Variants in PTPRR observed in about 807,000 individuals in gnomAD.
PTPRR encodes the protein protein tyrosine phosphatase receptor type R.
A neutral mutation model predicts 77.2 loss-of-function variants in PTPRR; 38 were observed. The observed-to-expected ratio is 0.49, with a 90% CI of 0.38 to 0.65. PTPRR has a LOEUF of 0.65. PTPRR is among the 30% of genes least tolerant of loss of function. PTPRR has a pLI of 0.00. For missense variants in PTPRR, 744 were observed against 799.2 expected, an observed-to-expected ratio of 0.93 and a Z score of 0.83; for synonymous variants, 299 against 283.1, an observed-to-expected ratio of 1.06 and a Z score of -0.57.
At chr12:70,652,129 A>G (rs145244674) in intron 13 of PTPRR, among the ~76,000 whole-genome samples, 1,868 of 152,328 alleles carry the variant, frequency 0.012, 17 homozygotes, top group Middle Eastern at 0.061. Flanking sequence ...CAAGTGATGA[A>G]GAAAGATATG....
chr12:70,808,065 G>A (rs1891742653), intron 2 of PTPRR, among the ~76,000 whole-genome samples: 1 of 152,094 alleles, frequency 6.6e-6, no homozygotes, highest in South Asian at 2.1e-4. Flanking sequence ...GCAGCCCTGG[G>A]AAAAGAATGC....
intron 6 of PTPRR, among the ~76,000 whole-genome samples, chr12:70,722,226 G>A (rs1245486910): frequency 6.6e-6 from 1 of 152,032 alleles, no homozygotes; most frequent in Admixed American, 6.6e-5. Context: ...TCCTGTGTAA[G>A]AGCACAAGAC....
intron 2 of PTPRR, among the ~76,000 whole-genome samples, chr12:70,867,353 A>C (rs1444708790): frequency 1.3e-5 from 2 of 151,488 alleles, no homozygotes; most frequent in Non-Finnish European, 3.0e-5. Context: ...CTCAGGATAC[A>C]AAATCAATGT....
intron 1 of PTPRR, 55 bp from the exon 2 acceptor site, chr12:70,893,032 T>C: frequency 6.5e-7 from 1 of 1,538,650 alleles, no homozygotes; most frequent in Non-Finnish European, 8.9e-7. Flanking sequence ...GTAAGAGAGG[T>C]AGATATATCT....
intron 2 of PTPRR, among the ~76,000 whole-genome samples, chr12:70,839,623 T>G (rs1892361938): frequency 6.6e-6 from 1 of 152,220 alleles, no homozygotes; most frequent in South Asian, 2.1e-4. Flanking sequence ...TTTGTTTTAA[T>G]GGTGTAAGAA....
chr12:70,790,384 C>A (rs1425624026), intron 2 of PTPRR, among the ~76,000 whole-genome samples: 1 of 152,068 alleles, frequency 6.6e-6, no homozygotes, highest in Admixed American at 6.6e-5. Flanking sequence ...GCCCTGATAC[C>A]CTTTCCTGCC....
chr12:70,772,565 T>C (rs1891002378), intron 2 of PTPRR, among the ~76,000 whole-genome samples: 1 of 152,168 alleles, frequency 6.6e-6, no homozygotes, highest in Non-Finnish European at 1.5e-5. Context: ...AAAAGAGGTA[T>C]AGGGTTCCCA....
intron 6 of PTPRR, among the ~76,000 whole-genome samples, chr12:70,744,551 A>G (rs187489236): frequency 6.6e-6 from 1 of 152,356 alleles, no homozygotes; most frequent in Admixed American, 6.5e-5. Flanking sequence ...CCTTGGCAAT[A>G]CTTTCAAATA....
intron 6 of PTPRR, among the ~76,000 whole-genome samples, chr12:70,715,296 G>A (rs1022006424): frequency 2.6e-5 from 4 of 152,162 alleles, no homozygotes; most frequent in African/African-American, 9.7e-5. Flanking sequence ...CAGACATCAA[G>A]TACTTCACAA....
chr12:70,642,807 T>C (rs568421223), intron 13 of PTPRR, among the ~76,000 whole-genome samples: 2 of 152,288 alleles, frequency 1.3e-5, no homozygotes, highest in African/African-American at 4.8e-5. Context: ...CTCATCATAA[T>C]CATCTCTGAA....
intron 12 of PTPRR, among the ~76,000 whole-genome samples, chr12:70,658,367 T>C (rs935811518): frequency 6.6e-6 from 1 of 152,218 alleles, no homozygotes; most frequent in East Asian, 1.9e-4. Flanking sequence ...CACCTATTTC[T>C]CACATTTGGC....
At chr12:70,676,122 C>A (rs1592661916) in intron 10 of PTPRR, among the ~76,000 whole-genome samples, 1 of 151,842 alleles carries the variant, frequency 6.6e-6, no homozygotes, top group East Asian at 1.9e-4. Flanking sequence ...TTCTAAAACA[C>A]CTGTTATGGT....
chr12:70,807,486 C>A (rs1175981497), intron 2 of PTPRR, among the ~76,000 whole-genome samples: 3 of 152,120 alleles, frequency 2.0e-5, no homozygotes, highest in Admixed American at 6.6e-5. Context: ...TCTCCCCCCA[C>A]CCCACCAGAT....
At chr12:70,678,574 T>C (rs1419925100) in intron 10 of PTPRR, among the ~76,000 whole-genome samples, 1 of 152,200 alleles carries the variant, frequency 6.6e-6, no homozygotes, top group East Asian at 1.9e-4. Flanking sequence ...TCTTTTCTTT[T>C]TATTGATGTT....
chr12:70,889,146 G>A (rs1018505209), intron 2 of PTPRR, among the ~76,000 whole-genome samples: 8 of 152,246 alleles, frequency 5.3e-5, no homozygotes, highest in African/African-American at 1.9e-4. Flanking sequence ...CATCTTCTAT[G>A]ACATGGCTGA....
intron 2 of PTPRR, 31 bp downstream of exon 2, chr12:70,892,648 A>G: frequency 5.6e-6 from 9 of 1,603,438 alleles, no homozygotes; most frequent in Non-Finnish European, 7.7e-6. Flanking sequence ...AATCAACATC[A>G]GCCTCAGCAT....
intron 1 of PTPRR, among the ~76,000 whole-genome samples, chr12:70,913,180 TC>T (rs1320030450): frequency 2.6e-5 from 4 of 152,156 alleles, no homozygotes; most frequent in South Asian, 2.1e-4. Flanking sequence ...TCTCCATTCT[TC>T]AGGTGTAAGA....
chr12:70,853,031 C>A (rs1236914624), intron 2 of PTPRR, among the ~76,000 whole-genome samples: 1 of 152,164 alleles, frequency 6.6e-6, no homozygotes, highest in Non-Finnish European at 1.5e-5. Context: ...GGGCCAGGGG[C>A]CGCCACACTT....
intron 6 of PTPRR, among the ~76,000 whole-genome samples, chr12:70,739,909 G>A (rs1889991187): frequency 6.6e-6 from 1 of 152,114 alleles, no homozygotes; most frequent in East Asian, 1.9e-4. Context: ...GAAACAGAGA[G>A]CATGGAATAG....
Sources: allele counts gnomAD v4.1 joint callset (sites outside exome capture counted in the v4.1 genomes callset), GRCh38; gene constraint gnomAD v4.1.1; transcripts MANE v1.5; gene names NCBI Gene and HGNC (gene_info 2026-07-23, HGNC 2026-07-21).